The following KPNA3 variants were observed in gnomAD, a reference collection of about 807,000 sequenced individuals.
KPNA3 encodes the protein karyopherin subunit alpha 3, also known as importin subunit alpha-4.
KPNA3 carries 13 observed loss-of-function variants against 73.8 expected under a neutral mutation model. The observed-to-expected ratio is 0.18, with a 90% CI of 0.11 to 0.28. The LOEUF (loss-of-function observed/expected upper bound fraction) is 0.28. Ranked by LOEUF, KPNA3 falls within the 10% of genes least tolerant of loss-of-function variation. The probability of loss-of-function intolerance (pLI) is 1.00; values close to 1 mark genes in which losing one functional copy is unlikely to be tolerated. For missense variants in KPNA3, 360 were observed against 618.1 expected (o/e 0.58, Z 4.43); for synonymous variants, 186 against 206.9 (o/e 0.90, Z 0.87).
chr13:49,792,302 C>T, intron 1 of KPNA3, 136 bp downstream of exon 1: 2 of 335,946 alleles, frequency 6.0e-6, no homozygotes, highest in Non-Finnish European at 9.4e-6. Flanking sequence ...AGCCCGGGGC[C>T]GCGGTGACGG....
chr13:49,762,424 AG>A (rs1320304840), intron 1 of KPNA3, among the ~76,000 whole-genome samples: 1 of 152,142 alleles, frequency 6.6e-6, no homozygotes, highest in East Asian at 1.9e-4. Flanking sequence ...GGAATAGAAA[AG>A]GGGGAAATGT....
chr13:49,787,546 G>A (rs925517127), intron 1 of KPNA3, among the ~76,000 whole-genome samples: 28 of 152,220 alleles, frequency 1.8e-4, no homozygotes, highest in Middle Eastern at 3.4e-3. Flanking sequence ...TCACTCTGTC[G>A]CCCAGACTTG....
At chr13:49,711,777 A>G (rs1162018049) in intron 10 of KPNA3, among the ~76,000 whole-genome samples, 4 of 152,204 alleles carry the variant, frequency 2.6e-5, no homozygotes. Context: ...GGTCATCCAA[A>G]TTGAAGACAT....
intron 1 of KPNA3, among the ~76,000 whole-genome samples, chr13:49,755,263 A>G (rs897223555): frequency 6.6e-6 from 1 of 152,180 alleles, no homozygotes; most frequent in Admixed American, 6.5e-5. Flanking sequence ...CAATGATTAT[A>G]TTATTCAATG....
intron 1 of KPNA3, among the ~76,000 whole-genome samples, chr13:49,783,841 C>G (rs1248833612): frequency 6.6e-6 from 1 of 152,104 alleles, no homozygotes; most frequent in Non-Finnish European, 1.5e-5. Flanking sequence ...TCACCTGAAC[C>G]CTACGATCAT....
chr13:49,713,081 A>G lies in KPNA3; in HGVS notation c.772-2059T>C, dbSNP rs563683187. Among the ~76,000 whole-genome samples, 69 of 152,260 alleles carry G rather than the reference A, an allele frequency of 4.5e-4. 1 individual carries two copies. The highest frequency in any genetic ancestry group is 1.7e-3 in the African/African-American group (69 of 41,570). ...CAAAGAATTTGGAAAGGCTAAAAAT[A>G]AAGGGATGAGCAAAAGTATGCCAAG... On this transcript the variant is annotated intron_variant, in intron 10 of 16. Transcript: ENST00000261667.
intron 1 of KPNA3, among the ~76,000 whole-genome samples, chr13:49,791,593 C>T (rs981011419): frequency 1.3e-5 from 2 of 152,198 alleles, no homozygotes; most frequent in African/African-American, 4.8e-5. Flanking sequence ...GAATTATGAA[C>T]CTGTGTATCC....
intron 1 of KPNA3, among the ~76,000 whole-genome samples, chr13:49,786,175 AAATT>A (rs1366463707): frequency 2.0e-5 from 3 of 152,210 alleles, no homozygotes; most frequent in African/African-American, 4.8e-5. Context: ...CACCAAAAGA[AAATT>A]AATGTCTTAG....
chr13:49,717,438 A>AG (rs549567448), intron 10 of KPNA3, among the ~76,000 whole-genome samples: 4 of 53,596 alleles, frequency 7.5e-5, no homozygotes, highest in African/African-American at 1.8e-4. Flanking sequence ...TCGGAAAAAA[A>AG]AGAAAAAAAA....
intron 1 of KPNA3, among the ~76,000 whole-genome samples, chr13:49,762,674 G>A (rs201085505): frequency 2.0e-5 from 3 of 151,910 alleles, no homozygotes; most frequent in Non-Finnish European, 2.9e-5. Flanking sequence ...CTGCATGCTC[G>A]TTAAGAGTCA....
At chr13:49,791,968 A>T (rs1320675639) in intron 1 of KPNA3, among the ~76,000 whole-genome samples, 1 of 152,202 alleles carries the variant, frequency 6.6e-6, no homozygotes, top group Admixed American at 6.5e-5. Flanking sequence ...AGAAGGTAGG[A>T]GCCCGGACCG....
intron 1 of KPNA3, among the ~76,000 whole-genome samples, chr13:49,787,385 C>T (rs1001150795): frequency 6.6e-6 from 1 of 152,168 alleles, no homozygotes; most frequent in East Asian, 1.9e-4. Flanking sequence ...GTGATATAGT[C>T]GATATTTCTT....
chr13:49,775,790 T>A (rs1954893265), intron 1 of KPNA3, among the ~76,000 whole-genome samples: 1 of 152,224 alleles, frequency 6.6e-6, no homozygotes, highest in African/African-American at 2.4e-5. Flanking sequence ...TTTATTTCCT[T>A]CTTGCTCCAC....
chr13:49,710,218 C>T (rs1271231891), intron 11 of KPNA3, among the ~76,000 whole-genome samples: 1 of 152,122 alleles, frequency 6.6e-6, no homozygotes, highest in South Asian at 2.1e-4. Flanking sequence ...GCAGAGATCG[C>T]GCCACCATAC....
At chr13:49,721,815 G>C in intron 9 of KPNA3, 140 bp downstream of exon 9, 1 of 533,978 alleles carries the variant, frequency 1.9e-6, no homozygotes, top group East Asian at 3.4e-5. Flanking sequence ...GCAAGACTCC[G>C]TTATCAAACA....
chr13:49,730,606 ATTTAT>A (rs938168538), intron 6 of KPNA3, among the ~76,000 whole-genome samples: 18 of 144,376 alleles, frequency 1.2e-4, no homozygotes, highest in Non-Finnish European at 2.0e-4. Context: ...TTATTTATTT[ATTTAT>A]TTTATTTTAT....
rs772543321 is a variant in KPNA3 at position 49,721,912 on chromosome 13, A to G, written c.726+43T>C. The G allele has an allele frequency of 1.3e-5, 18 of 1,334,676 alleles. No individual in the cohort carries two copies. In the South Asian group the frequency reaches 3.3e-4, roughly 24 times the overall value. 82.7% of individuals were successfully genotyped at this position (1,334,676 alleles called of 1,614,324 possible). ...GTATATGAATTCCTGAAGTACAAAC[A>G]TAGGGAAAATATACCATCTGGCCTT... On this transcript the variant is annotated intron_variant, in intron 9 of 16. Coordinates refer to ENST00000261667, the MANE Select transcript of KPNA3 (RefSeq NM_002267.4).
chr13:49,749,629 G>C (rs978103104), intron 1 of KPNA3, among the ~76,000 whole-genome samples: 13 of 152,082 alleles, frequency 8.5e-5, no homozygotes, highest in Non-Finnish European at 2.9e-5. Context: ...CAGTCTAAAA[G>C]TACTATACCC....
At chr13:49,757,902 T>C (rs1443153205) in intron 1 of KPNA3, among the ~76,000 whole-genome samples, 1 of 152,192 alleles carries the variant, frequency 6.6e-6, no homozygotes, top group Non-Finnish European at 1.5e-5. Context: ...TCTTGCAAGA[T>C]GTTACCACTG....
Sources: allele counts gnomAD v4.1 joint callset (sites outside exome capture counted in the v4.1 genomes callset), GRCh38; gene constraint gnomAD v4.1.1; transcripts MANE v1.5; gene names NCBI Gene and HGNC (gene_info 2026-07-23, HGNC 2026-07-21).